Variants in TAB1 observed in about 807,000 individuals in gnomAD.
The protein encoded by TAB1 is TGF-beta activated kinase 1 (MAP3K7) binding protein 1, also known as TGF-beta-activated kinase 1 and MAP3K7-binding protein 1.
TAB1 carries 30 observed loss-of-function variants against 54.5 expected under a neutral mutation model. The ratio of observed to expected loss-of-function variants is 0.55; its 90% CI spans 0.41 to 0.75. The LOEUF (loss-of-function observed/expected upper bound fraction) is 0.75, where lower values mean the gene tolerates loss of function less well. TAB1 is among the 30% of genes least tolerant of loss of function. The pLI is 0.00. For missense variants in TAB1, 609 were observed against 683.2 expected, an observed-to-expected ratio of 0.89 and a Z score of 1.21; for synonymous variants, 289 against 286.9, an observed-to-expected ratio of 1.01 and a Z score of -0.07.
Position 39,431,862 on chromosome 22 carries a change from C to T in TAB1, c.*1640C>T, listed in dbSNP as rs902554168. 5 of 985,432 alleles carry T rather than the reference C, an allele frequency of 5.1e-6. No homozygotes were observed. The highest frequency in any genetic ancestry group is 6.0e-6 in the Non-Finnish European group (5 of 829,930). The allele number at this position is 985,432 out of a possible 1,614,324, so 61.0% of individuals were successfully genotyped here. A position where few individuals can be genotyped will look rare whatever the true frequency, so the allele number is the denominator to read the frequency against. On this transcript the variant is annotated 3_prime_UTR_variant, in exon 11 of 11. Coordinates refer to ENST00000216160, the MANE Select transcript of TAB1 (RefSeq NM_006116.3). ...GTAGTAAAGAAGTAATAAATGGTGG[C>T]ATTACACATTGTGATATTAATAGCG...
At chr22:39,426,963 C>T (rs1273628318) in intron 9 of TAB1, 38 bp downstream of exon 9, 12 of 1,586,572 alleles carry the variant, frequency 7.6e-6, no homozygotes, top group Non-Finnish European at 1.0e-5. Context: ...CCTGGGGATG[C>T]CATCTGGGGG....
Position 39,408,693 on chromosome 22 carries a change from G to A in TAB1, c.34-6313G>A, listed in dbSNP as rs539226296. On this transcript the variant is annotated intron_variant, in intron 1 of 10. Coordinates refer to ENST00000216160, the MANE Select transcript of TAB1 (RefSeq NM_006116.3). ...AATTTTTGTATTTTTAGTAGAGACA[G>A]GGTTTCACCATATTGGCCAGGCTGG... is the stretch of plus-strand genomic sequence containing the variant. Among the ~76,000 whole-genome samples, 11 of 152,126 alleles carry A rather than the reference G, an allele frequency of 7.2e-5. No homozygotes were observed. In the East Asian group the frequency reaches 2.1e-3, roughly 29 times the overall value.
downstream of TAB1, among the ~76,000 whole-genome samples, chr22:39,435,873 C>T (rs1212738988): frequency 6.6e-6 from 1 of 152,238 alleles, no homozygotes; most frequent in African/African-American, 2.4e-5. Flanking sequence ...CTTTCCTGAC[C>T]TGGTGCTTCT....
At chr22:39,414,768 A>G (rs1926751317) in intron 1 of TAB1, 3 of 519,242 alleles carry the variant, frequency 5.8e-6, no homozygotes, top group Non-Finnish European at 1.0e-5. Flanking sequence ...TGCGCCTTAC[A>G]TTTGGGAATG....
intron 1 of TAB1, among the ~76,000 whole-genome samples, chr22:39,414,256 A>T (rs1392930842): frequency 6.6e-6 from 1 of 152,042 alleles, no homozygotes; most frequent in Non-Finnish European, 1.5e-5. Flanking sequence ...AAGAAGAGGG[A>T]GGGTGTTCAT....
rs1258254034 is a variant in TAB1 at position 39,415,537 on chromosome 22, G to A, written c.208G>A (p.Gly70Ser). The change falls in exon 3 of 11, where the codon GGC becomes AGC. Residue 70 changes from glycine (G) to serine (S), a missense_variant. Coordinates refer to ENST00000216160, the MANE Select transcript of TAB1 (RefSeq NM_006116.3). This position sits in a 1 kb window ranked among gnomAD's most constrained non-coding sequence, Gnocchi z 4.9. ...CTGCTTCCTGTATGGGGTCTTCAAC[G>A]GCTATGATGGCAACCGAGTGACCAA... Reference protein sequence around the residue: ...NNCFLYGVFNGYDGNRVTNFV... With the variant: ...NNCFLYGVFNSYDGNRVTNFV... 4 of 1,614,076 alleles carry A rather than the reference G, an allele frequency of 2.5e-6. No homozygotes were observed. The highest frequency in any genetic ancestry group is 2.2e-5 in the East Asian group (1 of 44,896).
Position 39,431,764 on chromosome 22 carries a change from A to G in TAB1, c.*1542A>G, listed in dbSNP as rs1927595176. On this transcript the variant is annotated 3_prime_UTR_variant, in exon 11 of 11. Transcript: ENST00000216160. ...TAAAGTCAGTCACAAAGGCTTGGGA[A>G]CAAAAGGAATTCTCTTCCAAGAATG... is the stretch of plus-strand genomic sequence containing the variant. 4 of 985,494 alleles carry G rather than the reference A, an allele frequency of 4.1e-6. No homozygotes were observed. Among genetic ancestry groups the G allele is most frequent in the South Asian group, 4.7e-5 (1 of 21,286 alleles). The allele number at this position is 985,494 out of a possible 1,614,324, so 61.0% of individuals were successfully genotyped here.
intron 4 of TAB1, 32 bp from the exon 5 acceptor site, chr22:39,417,679 G>T: frequency 6.3e-7 from 1 of 1,576,186 alleles, no homozygotes; most frequent in South Asian, 1.2e-5. Context: ...CCAGAGTTCT[G>T]TCCTGCCCTG....
chr22:39,419,483 C>A (rs1442382880), intron 6 of TAB1, 36 bp from the exon 7 acceptor site: 1 of 1,521,394 alleles, frequency 6.6e-7, no homozygotes, highest in Non-Finnish European at 9.0e-7. Context: ...TCTTTGTGAA[C>A]AAGAAGCAGG....
chr22:39,405,498 C>T (rs916080756), intron 1 of TAB1, among the ~76,000 whole-genome samples: 4 of 152,216 alleles, frequency 2.6e-5, no homozygotes, highest in African/African-American at 9.7e-5. Context: ...GAGTGAGAGA[C>T]GCCCCCTTCT....
At chr22:39,436,882 G>C (rs923923558), downstream of TAB1, 1 of 354,318 alleles carries the variant, frequency 2.8e-6, no homozygotes, top group East Asian at 5.6e-5. Flanking sequence ...TTCCTGGTTA[G>C]GACCCATGTT....
chr22:39,400,978 G>C (rs1255006556), intron 1 of TAB1, among the ~76,000 whole-genome samples: 1 of 147,174 alleles, frequency 6.8e-6, no homozygotes, highest in African/African-American at 2.6e-5. Flanking sequence ...AGCTTGCAGC[G>C]AGCCAAGATC....
At chr22:39,433,638 T>G, downstream of TAB1, 2 of 985,322 alleles carry the variant, frequency 2.0e-6, no homozygotes, top group Non-Finnish European at 2.4e-6. Context: ...CATTCTCTCA[T>G]GAGCTGGGAG....
At chr22:39,429,011 C>T (rs1449551435) in intron 10 of TAB1, 34 of 976,230 alleles carry the variant, frequency 3.5e-5, no homozygotes, top group Middle Eastern at 5.2e-4. Context: ...GCACCCCTGC[C>T]GGGCTGCCTG....
chr22:39,415,363 C>CT lies in TAB1; in HGVS notation c.171-136dup. 1 of 1,166,246 alleles carries CT rather than the reference C, an allele frequency of 8.6e-7. No individual in the cohort carries two copies. The highest frequency in any genetic ancestry group is 1.2e-6 in the Non-Finnish European group (1 of 825,116). 72.2% of individuals were successfully genotyped at this position (1,166,246 alleles called of 1,614,324 possible). ...TGTCATAGCCAGAGTGAAATGATGG[C>CT]TAAAGCAGGGGGACCCAGGAGGGCC... On this transcript the variant is annotated intron_variant, in intron 2 of 10. Transcript: ENST00000216160. This position sits in a 1 kb window ranked among gnomAD's most constrained non-coding sequence, Gnocchi z 4.9.
In TAB1 at chr22:39,415,075, C is replaced by T. The variant is rs750351655; in HGVS notation, c.103C>T (p.Arg35Cys). The T allele has an allele frequency of 6.8e-6, 11 of 1,613,632 alleles. No individual in the cohort carries two copies. The highest frequency in any genetic ancestry group is 6.7e-5 in the East Asian group (3 of 44,876). Residue 35 changes from arginine to cysteine, a missense_variant, in exon 2 of 11, where the codon CGC (arginine) becomes TGC (cysteine). By Grantham distance (180) the Arg-to-Cys change is radical. Transcript: ENST00000216160. This position sits in a 1 kb window ranked among gnomAD's most constrained non-coding sequence, Gnocchi z 4.9. Reference sequence around the variant, plus strand: ...CTCTGGGGTTGGCTCAGCCTCCAACCGCAGCTACTCTGCTGATGGCAAGGG... The same window carrying T: ...CTCTGGGGTTGGCTCAGCCTCCAACTGCAGCTACTCTGCTGATGGCAAGGG... ...HLSGVGSASN[R>C]SYSADGKGTE... is the part of the protein sequence containing the mutation.
At chr22:39,406,779 C>T (rs557831956) in intron 1 of TAB1, among the ~76,000 whole-genome samples, 8 of 152,232 alleles carry the variant, frequency 5.3e-5, no homozygotes, top group East Asian at 1.9e-4. Context: ...ACTACAGGCA[C>T]CCACCACCAC....
chr22:39,432,650 G>T, downstream of TAB1: 3 of 711,866 alleles, frequency 4.2e-6, no homozygotes, highest in South Asian at 6.4e-5. Flanking sequence ...ACCCGAGAGA[G>T]AGAGAGAGAC....
At chr22:39,434,102 T>C (rs547023007), downstream of TAB1, among the ~76,000 whole-genome samples, 60 of 152,354 alleles carry the variant, frequency 3.9e-4, no homozygotes, top group African/African-American at 1.3e-3. Flanking sequence ...TAACTTGGGC[T>C]GGTTTTTCAT....
Sources: gnomAD v4.1 joint callset for allele counts (sites outside exome capture counted in the v4.1 genomes callset) on GRCh38, gnomAD v4.1.1 for gene constraint, Gnocchi (gnomAD v3.1) non-coding constraint, MANE v1.5 for transcripts, NCBI Gene and HGNC (gene_info 2026-07-23, HGNC 2026-07-21) for gene names.